The following MRTFA variants were observed in gnomAD, a reference collection of about 807,000 sequenced individuals.
MRTFA encodes myocardin-related transcription factor A.
MRTFA carries 20 observed loss-of-function variants against 83.5 expected under a neutral mutation model. The observed-to-expected ratio is 0.24, with a 90% CI of 0.17 to 0.35. The LOEUF is 0.35. MRTFA is among the 10% of genes least tolerant of loss of function. The pLI is 1.00. For synonymous variants in MRTFA, 659 were observed against 541.2 expected (o/e 1.22, Z -3.02); for missense variants, 1,200 against 1,224.7 (o/e 0.98, Z 0.30).
intron 1 of MRTFA, among the ~76,000 whole-genome samples, chr22:40,598,296 CCCCTTTAG>C (rs2056216690): frequency 6.6e-6 from 1 of 151,314 alleles, no homozygotes; most frequent in African/African-American, 2.4e-5. Context: ...ACTGACTAAG[CCCCTTTAG>C]AATCCAAGTC....
chr22:40,489,402 T>C (rs1311126085), intron 3 of MRTFA, among the ~76,000 whole-genome samples: 2 of 151,370 alleles, frequency 1.3e-5, no homozygotes, highest in Non-Finnish European at 2.9e-5. Context: ...CAGGCTGGAG[T>C]GCAGTGTCGT....
chr22:40,535,348 C>CTTTTTTTTTTT (rs531303160), intron 3 of MRTFA, among the ~76,000 whole-genome samples: 9 of 107,136 alleles, frequency 8.4e-5, no homozygotes, highest in Admixed American at 1.2e-4. Flanking sequence ...GAGGTTTTTT[C>CTTTTTTTTTTT]TTTTTTTTTT....
chr22:40,520,989 A>G (rs2054856562), intron 3 of MRTFA, among the ~76,000 whole-genome samples: 1 of 151,954 alleles, frequency 6.6e-6, no homozygotes, highest in African/African-American at 2.4e-5. Flanking sequence ...TGTAGTTTTT[A>G]AACTTTTCAT....
intron 3 of MRTFA, among the ~76,000 whole-genome samples, chr22:40,498,394 C>G (rs2054398891): frequency 7.0e-6 from 1 of 143,154 alleles, no homozygotes. Context: ...AGATGATCCT[C>G]TCACCTCAGC....
chr22:40,632,727 T>C (rs952669128), intron 1 of MRTFA, among the ~76,000 whole-genome samples: 6 of 152,208 alleles, frequency 3.9e-5, no homozygotes, highest in Non-Finnish European at 7.3e-5. Context: ...TGAGCCACCG[T>C]GCCCAGCCAT....
chr22:40,538,588 T>A (rs894298496), intron 3 of MRTFA, among the ~76,000 whole-genome samples: 7 of 131,836 alleles, frequency 5.3e-5, no homozygotes, highest in African/African-American at 1.4e-4. Context: ...AAAAAAAAAA[T>A]TAAACAAGAA....
At chr22:40,476,276 G>A (rs993986969) in intron 3 of MRTFA, among the ~76,000 whole-genome samples, 9 of 151,954 alleles carry the variant, frequency 5.9e-5, no homozygotes, top group African/African-American at 2.2e-4. Flanking sequence ...ATGCGCCCAC[G>A]AGTCTGTCCT....
chr22:40,482,518 C>T (rs1402811574), intron 3 of MRTFA, among the ~76,000 whole-genome samples: 1 of 152,188 alleles, frequency 6.6e-6, no homozygotes, highest in Non-Finnish European at 1.5e-5. Context: ...CATGTAAGAT[C>T]TGGGCATAGC....
In MRTFA at chr22:40,494,543, T is replaced by C. The variant is rs1394269169; in HGVS notation, c.242-31257A>G. On this transcript the variant is annotated intron_variant, in intron 3 of 14. Coordinates refer to ENST00000355630, the MANE Select transcript of MRTFA (RefSeq NM_020831.6). ...AAAACCTTAAAAAATTAGCCAGGTA[T>C]ACTGGTGTGCACCTGTAATCCCAGC... Among the ~76,000 whole-genome samples the C allele has an allele frequency of 3.9e-5, 6 of 151,964 alleles. No homozygotes were observed. In the East Asian group the frequency reaches 7.7e-4, roughly 20 times the overall value.
At chr22:40,457,482 GAAAGAAGGAAA>G (rs2053614213) in intron 4 of MRTFA, among the ~76,000 whole-genome samples, 2 of 133,660 alleles carry the variant, frequency 1.5e-5, no homozygotes, top group South Asian at 2.5e-4. Flanking sequence ...AAGAAAGAAA[GAAAGAAGGAAA>G]GAAAGAAAGA....
intron 4 of MRTFA, among the ~76,000 whole-genome samples, chr22:40,457,408 G>A (rs1296003251): frequency 2.8e-5 from 4 of 141,024 alleles, no homozygotes; most frequent in South Asian, 2.3e-4. Flanking sequence ...GAAAGAAAGA[G>A]AGAGAGAGAC....
intron 3 of MRTFA, among the ~76,000 whole-genome samples, chr22:40,475,368 T>C (rs1299138636): frequency 6.6e-6 from 1 of 151,856 alleles, no homozygotes; most frequent in African/African-American, 2.4e-5. Context: ...TGAAATCCCA[T>C]CTCAATTAAA....
intron 1 of MRTFA, among the ~76,000 whole-genome samples, chr22:40,620,841 G>A (rs543796802): frequency 6.6e-6 from 1 of 152,182 alleles, no homozygotes; most frequent in Admixed American, 6.6e-5. Flanking sequence ...TATATCAGCA[G>A]AAACACTGTC....
chr22:40,562,216 CAAAAA>C (rs35542557), intron 2 of MRTFA, among the ~76,000 whole-genome samples: 1 of 106,534 alleles, frequency 9.4e-6, no homozygotes, highest in Non-Finnish European at 2.0e-5. Context: ...GACTCCATCT[CAAAAA>C]AAAAAAAAAA....
intron 3 of MRTFA, chr22:40,521,779 T>A (rs1404177005): frequency 1.3e-5 from 2 of 152,014 alleles, no homozygotes; most frequent in Non-Finnish European, 2.9e-5. Context: ...ATTACAGGCA[T>A]GAGCCACCAC....
At position 40,418,899 on chromosome 22, in the gene MRTFA, CCCAGGG is replaced by C; in HGVS notation, c.1833_1838del (p.Ser611_Gly613delinsArg). On this transcript the variant is annotated inframe_deletion, in exon 12 of 15. Coordinates refer to ENST00000355630, the MANE Select transcript of MRTFA (RefSeq NM_020831.6). ...CGCGCCCCTCTAGCTCCGCCCGCCC[CCCAGGG>C]CTCAGGCAACAGGACCCGGCCCGGG... The C allele has an allele frequency of 6.2e-7, 1 of 1,612,742 alleles. No individual in the cohort carries two copies. Among genetic ancestry groups the C allele is most frequent in the Non-Finnish European group, 8.5e-7 (1 of 1,179,890 alleles).
intron 3 of MRTFA, among the ~76,000 whole-genome samples, chr22:40,547,178 A>T (rs956558546): frequency 6.6e-6 from 1 of 151,768 alleles, no homozygotes; most frequent in Non-Finnish European, 1.5e-5. Context: ...AAAATAAAAT[A>T]AAATAAATAA....
chr22:40,579,262 G>A (rs1002110862), intron 2 of MRTFA, among the ~76,000 whole-genome samples: 2 of 152,174 alleles, frequency 1.3e-5, no homozygotes, highest in Non-Finnish European at 2.9e-5. Flanking sequence ...AAGATGAATA[G>A]CCATAATAAT....
chr22:40,418,380 G>T lies in MRTFA; in HGVS notation c.2358C>A (p.Pro786=). ...TCCTCCCATACCCAGGTACCTGCTGGGGGCTCCCACTGGACAGGCCAGGGC... is the reference window on the plus strand; with the variant it reads ...TCCTCCCATACCCAGGTACCTGCTGTGGGCTCCCACTGGACAGGCCAGGGC... Residue 786 remains proline (P), a synonymous_variant, in exon 12 of 15, where the codon CCC becomes CCA. Transcript: ENST00000355630. 1 of 1,613,482 alleles carries T rather than the reference G, an allele frequency of 6.2e-7. No individual in the cohort carries two copies. The highest frequency in any genetic ancestry group is 8.5e-7 in the Non-Finnish European group (1 of 1,179,624).
Sources: gnomAD v4.1 joint callset for allele counts (sites outside exome capture counted in the v4.1 genomes callset) on GRCh38, gnomAD v4.1.1 for gene constraint, MANE v1.5 for transcripts, NCBI Gene and HGNC (gene_info 2026-07-23, HGNC 2026-07-21) for gene names.